Variants in PTPRB observed in about 807,000 individuals in gnomAD.
PTPRB encodes receptor-type tyrosine-protein phosphatase beta.
Under a neutral mutation model 238.1 loss-of-function variants are expected in PTPRB, and 97 were observed. The ratio of observed to expected loss-of-function variants is 0.41; its 90% CI spans 0.35 to 0.48. The LOEUF (loss-of-function observed/expected upper bound fraction) is 0.48. Ranked by LOEUF, PTPRB falls within the 20% of genes least tolerant of loss-of-function variation. The pLI is 0.30. For missense variants in PTPRB, 2,292 were observed against 2,681.9 expected (o/e 0.85, Z 3.21); for synonymous variants, 970 against 995.4 (o/e 0.97, Z 0.48).
intron 18 of PTPRB, among the ~76,000 whole-genome samples, chr12:70,557,832 T>C (rs73140118): frequency 0.025 from 3,786 of 152,360 alleles, 65 homozygotes; most frequent in Middle Eastern, 0.058. Context: ...ACATGGTAGA[T>C]GGCGAACACC....
rs760951918 is a variant in PTPRB at position 70,566,595 on chromosome 12, A to C, written c.3744T>G (p.Leu1248=). ...AGVAERYDIL[L]LTENGILLRN... is the part of the protein sequence containing the mutation. ...GCAGAAGGATTCCATTTTCAGTTAG[A>C]AGCAGGATATCATATCTTTCTGCCA... The change falls in exon 15 of 34, where the codon CTT becomes CTG. Residue 1248 remains leucine (L), a synonymous_variant. Coordinates refer to ENST00000334414, the MANE Select transcript of PTPRB (RefSeq NM_001109754.4). The C allele has an allele frequency of 3.1e-6, 5 of 1,613,966 alleles. No homozygotes were observed. Among genetic ancestry groups the C allele is most frequent in the Middle Eastern group, 1.6e-4 (1 of 6,062 alleles).
At chr12:70,555,468 T>A (rs2116209) in intron 19 of PTPRB, among the ~76,000 whole-genome samples, 159 bp from the exon 20 acceptor site, 1 of 152,036 alleles carries the variant, frequency 6.6e-6, no homozygotes, top group South Asian at 2.1e-4. Flanking sequence ...AACTCTCCCC[T>A]TCTCCTGAAG....
At chr12:70,559,820 CT>C (rs373129340) in intron 17 of PTPRB, among the ~76,000 whole-genome samples, 196 bp from the exon 18 acceptor site, 22,717 of 122,958 alleles carry the variant, frequency 0.18, 1,675 homozygotes, top group African/African-American at 0.21. Flanking sequence ...ATTTTATGTA[CT>C]TTTTTTTTTT....
rs866360242 is a variant in PTPRB, at chr12:70,563,029, C to T, written c.3983G>A (p.Gly1328Glu). 4 of 1,613,808 alleles carry T rather than the reference C, an allele frequency of 2.5e-6. No homozygotes were observed. The African/African-American group carries it at 5.3e-5, about 22-fold the overall frequency. The change falls in exon 16 of 34, where the codon GGG (glycine) becomes GAG (glutamate). Residue 1328 changes from glycine (G) to glutamate (E), a missense_variant. Around this residue, in one of 4 missense-constraint regions of PTPRB, gnomAD observed 683 missense variants for 862.0 expected, o/e 0.79. Coordinates refer to ENST00000334414, the MANE Select transcript of PTPRB (RefSeq NM_001109754.4). ...HLSFRWTASEGELSWYNIFLY... is the reference protein window; with the variant it reads ...HLSFRWTASEEELSWYNIFLY... ...AAAGATGTTGTACCAGCTGAGCTCC[C>T]CCTCTGAGGCGGTCCAGCGGAAGGA... is the stretch of plus-strand genomic sequence containing the variant.
intron 9 of PTPRB, among the ~76,000 whole-genome samples, chr12:70,586,339 T>G (rs2136441646): frequency 6.6e-6 from 1 of 152,318 alleles, no homozygotes; most frequent in East Asian, 1.9e-4. Context: ...TGATCGCCAT[T>G]CTAACTGAAC....
intron 9 of PTPRB, chr12:70,584,836 G>C (rs1881728536): frequency 6.6e-6 from 1 of 151,908 alleles, no homozygotes; most frequent in Non-Finnish European, 1.5e-5. Context: ...AAAAAAGGTA[G>C]TAAATTGGTA....
At chr12:70,536,562 T>G (rs1324415893) in intron 28 of PTPRB, among the ~76,000 whole-genome samples, 1 of 152,206 alleles carries the variant, frequency 6.6e-6, no homozygotes, top group African/African-American at 2.4e-5. Flanking sequence ...TGGTAAGATA[T>G]ATCATCCACA....
At chr12:70,632,740 A>G (rs1295765981) in intron 2 of PTPRB, among the ~76,000 whole-genome samples, 1 of 152,198 alleles carries the variant, frequency 6.6e-6, no homozygotes, top group Non-Finnish European at 1.5e-5. Flanking sequence ...AATGATTTGC[A>G]ACCTTGGCTG....
In PTPRB at chr12:70,566,450, T is replaced by C. The variant is rs1289626623; in HGVS notation, c.3889A>G (p.Thr1297Ala). ...TGCTAATTACCTGTTCGGCCTTCAG[T>C]CTGGGCTTCCTTGCTAAAGAGGCCT... ...SGGLFSKEAQ[T>A]EGRTVPAAVT... Residue 1297 changes from threonine (T) to alanine (A), a missense_variant, in exon 15 of 34, where the codon ACT (threonine) becomes GCT (alanine). Physicochemically the swap from Thr to Ala is moderately conservative, Grantham distance 58. Coordinates refer to ENST00000334414, the MANE Select transcript of PTPRB (RefSeq NM_001109754.4). 1 of 1,613,854 alleles carries C rather than the reference T, an allele frequency of 6.2e-7. No individual in the cohort carries two copies. Among genetic ancestry groups the C allele is most frequent in the Non-Finnish European group, 8.5e-7 (1 of 1,179,828 alleles).
chr12:70,592,437 A>G lies in PTPRB; in HGVS notation c.1625T>C (p.Leu542Pro). 1 of 1,613,954 alleles carries G rather than the reference A, an allele frequency of 6.2e-7. No homozygotes were observed. The highest frequency in any genetic ancestry group is 8.5e-7 in the Non-Finnish European group (1 of 1,179,846). ...PGNVDSYNIT[L>P]SHKGTIKESR... ...TTCCTTGATGGTCCCTTTGTGAGACAGGGTGATATTGTAAGAATCCACATT... is the reference window on the plus strand; with the variant it reads ...TTCCTTGATGGTCCCTTTGTGAGACGGGGTGATATTGTAAGAATCCACATT... Residue 542 changes from leucine (L) to proline (P), a missense_variant, in exon 7 of 34, where the codon CTG becomes CCG. Leu to Pro is a moderately conservative substitution (Grantham distance 98). This residue lies in a region of PTPRB where 1,205 missense variants were observed against 1,287.8 expected (regional missense o/e 0.94). Transcript: ENST00000334414.
At chr12:70,547,811 G>T (rs1365067387) in intron 21 of PTPRB, among the ~76,000 whole-genome samples, 1 of 151,872 alleles carries the variant, frequency 6.6e-6, no homozygotes, top group East Asian at 1.9e-4. Flanking sequence ...CCAGCCATAA[G>T]GACTTTTTCA....
chr12:70,531,859 C>T (rs559234570), intron 32 of PTPRB, among the ~76,000 whole-genome samples, 176 bp downstream of exon 32: 1 of 152,254 alleles, frequency 6.6e-6, no homozygotes, highest in Admixed American at 6.5e-5. Flanking sequence ...ACCTTCAAGA[C>T]CAGTGAGATT....
At chr12:70,609,429 C>T (rs1884248603) in intron 3 of PTPRB, 90 bp from the exon 4 acceptor site, 2 of 1,477,270 alleles carry the variant, frequency 1.4e-6, no homozygotes, top group East Asian at 2.3e-5. Context: ...CACACTTTCT[C>T]CTCTACTTAT....
At chr12:70,546,835 G>T (rs185075216) in intron 21 of PTPRB, among the ~76,000 whole-genome samples, 1 of 151,628 alleles carries the variant, frequency 6.6e-6, no homozygotes, top group Admixed American at 6.6e-5. Context: ...CAGTCCCAGG[G>T]AAGCTGGAGG....
chr12:70,578,109 A>G (rs1287487966), intron 10 of PTPRB, among the ~76,000 whole-genome samples: 1 of 152,170 alleles, frequency 6.6e-6, no homozygotes, highest in Non-Finnish European at 1.5e-5. Context: ...AATAGATACA[A>G]AATTTGTTTT....
At chr12:70,634,818 A>G (rs949774053) in intron 2 of PTPRB, among the ~76,000 whole-genome samples, 2 of 152,202 alleles carry the variant, frequency 1.3e-5, no homozygotes, top group African/African-American at 2.4e-5. Flanking sequence ...GTTTCTTGAT[A>G]ACTTTTCCCA....
rs1566030277 is a variant in PTPRB, at chr12:70,635,697, A to G, written c.425T>C (p.Val142Ala). The G allele has an allele frequency of 1.2e-6, 2 of 1,613,858 alleles. No individual in the cohort carries two copies. Among genetic ancestry groups the G allele is most frequent in the African/African-American group, 1.3e-5 (1 of 75,036 alleles). Residue 142 changes from valine (V) to alanine (A), a missense_variant, in exon 2 of 34, where the codon GTC (valine) becomes GCC (alanine). Physicochemically the swap from Val to Ala is moderately conservative, Grantham distance 64. This residue lies in a region of PTPRB where 1,205 missense variants were observed against 1,287.8 expected (regional missense o/e 0.94). Transcript: ENST00000334414. ...TTTTTGTAAACAGAGGCTTTCATTGACCAGTTTTCCCTCCTTGTTGACATC... is the reference window on the plus strand; with the variant it reads ...TTTTTGTAAACAGAGGCTTTCATTGGCCAGTTTTCCCTCCTTGTTGACATC... ...KIDVNKEGKLVNESLCLQKAG... is the reference protein window; with the variant it reads ...KIDVNKEGKLANESLCLQKAG...
At position 70,524,462 on chromosome 12, in the gene PTPRB, A is replaced by C. The variant is rs1592380288; in HGVS notation, c.6625+9T>G. 2.5e-6 allele frequency: 4 copies of C among 1,595,284 alleles called. No individual in the cohort carries two copies. The East Asian group carries it at 6.8e-5, about 27-fold the overall frequency. On this transcript the variant is annotated intron_variant, in intron 33 of 33. Coordinates refer to ENST00000334414, the MANE Select transcript of PTPRB (RefSeq NM_001109754.4). Reference sequence around the variant, plus strand: ...GAAACTTGGGGAAGTAAGTGAAGTAAGTGCCCACCTCTGTGATACTCTGGA... The same window carrying C: ...GAAACTTGGGGAAGTAAGTGAAGTACGTGCCCACCTCTGTGATACTCTGGA...
At chr12:70,621,097 T>C (rs1884909039) in intron 3 of PTPRB, among the ~76,000 whole-genome samples, 1 of 152,200 alleles carries the variant, frequency 6.6e-6, no homozygotes, top group African/African-American at 2.4e-5. Context: ...GCTGGAGATT[T>C]AGGGAGAGCA....
Sources: allele counts gnomAD v4.1 joint callset (sites outside exome capture counted in the v4.1 genomes callset), GRCh38; gene constraint gnomAD v4.1.1; regional missense constraint gnomAD v4.1.1; transcripts MANE v1.5; gene names NCBI Gene and HGNC (gene_info 2026-07-23, HGNC 2026-07-21).